ODAD2: variants seen among roughly 807,000 people sequenced by gnomAD.
The protein encoded by ODAD2 is outer dynein arm-docking complex subunit 2.
A neutral mutation model predicts 106.8 loss-of-function variants in ODAD2; 89 were observed. The observed-to-expected ratio is 0.83, with a 90% confidence interval of 0.70 to 0.99. The LOEUF is 0.99. Among genes scored for constraint, ODAD2 ranks in the 50% least tolerant of loss-of-function variants. The probability of loss-of-function intolerance (pLI) is 0.00; values close to 1 mark genes in which losing one functional copy is unlikely to be tolerated. For synonymous variants in ODAD2, 404 were observed against 436.2 expected (o/e 0.93, Z 0.92); for missense variants, 1,168 against 1,238.5 (o/e 0.94, Z 0.85).
intron 16 of ODAD2, among the ~76,000 whole-genome samples, chr10:27,918,743 T>C (rs1438341208): frequency 6.6e-6 from 1 of 151,572 alleles, no homozygotes; most frequent in African/African-American, 2.4e-5. Context: ...TGGGGGGAAG[T>C]GAACTGTCAT....
At chr10:27,895,008 A>G (rs1427687733) in intron 17 of ODAD2, among the ~76,000 whole-genome samples, 1 of 150,572 alleles carries the variant, frequency 6.6e-6, no homozygotes, top group East Asian at 1.9e-4. Flanking sequence ...ACATACAGAG[A>G]GAATTAGAGA....
chr10:27,821,062 G>A (rs945855056), intron 19 of ODAD2, among the ~76,000 whole-genome samples: 9 of 152,144 alleles, frequency 5.9e-5, no homozygotes, highest in Non-Finnish European at 2.9e-5. Flanking sequence ...TTATAGGCGT[G>A]AGCCACCGTG....
intron 19 of ODAD2, chr10:27,836,043 G>A (rs1419096644): frequency 6.5e-6 from 1 of 153,544 alleles, no homozygotes; most frequent in African/African-American, 2.4e-5. Flanking sequence ...TGAGTAGCCT[G>A]AAGAGGAGGA....
At chr10:27,835,818 C>T (rs887331821) in intron 19 of ODAD2, among the ~76,000 whole-genome samples, 1 of 151,602 alleles carries the variant, frequency 6.6e-6, no homozygotes, top group Non-Finnish European at 1.5e-5. Flanking sequence ...CCAGCTACCT[C>T]GGGAGGCTGA....
chr10:27,867,451 A>G (rs1460001004), intron 17 of ODAD2, among the ~76,000 whole-genome samples: 5 of 152,194 alleles, frequency 3.3e-5, no homozygotes, highest in Non-Finnish European at 5.9e-5. Flanking sequence ...TACACGGAAT[A>G]GCATCATCCA....
At chr10:27,855,713 C>T (rs942979579) in intron 19 of ODAD2, among the ~76,000 whole-genome samples, 2 of 152,148 alleles carry the variant, frequency 1.3e-5, no homozygotes, top group African/African-American at 4.8e-5. Context: ...CTCTCTGGAA[C>T]GCCAGTACAT....
intron 7 of ODAD2, among the ~76,000 whole-genome samples, chr10:27,980,658 C>A (rs908553025): frequency 6.6e-6 from 1 of 152,038 alleles, no homozygotes; most frequent in African/African-American, 2.4e-5. Flanking sequence ...TATAATTAAA[C>A]AACAACCTAG....
intron 10 of ODAD2, among the ~76,000 whole-genome samples, chr10:27,960,968 A>G (rs907022897): frequency 1.3e-5 from 2 of 152,186 alleles, no homozygotes; most frequent in Admixed American, 6.5e-5. Flanking sequence ...AAATTCAAAT[A>G]CTTAAATACG....
chr10:27,944,240 G>A lies in ODAD2; in HGVS notation c.1725C>T (p.His575=), dbSNP rs761710990. ...FKRARRVVRQ[H]GGITKLVALL... is the part of the protein sequence containing the mutation. ...TACTCACCAGTTTGGTGATACCCCC[G>A]TGCTGCCTCACCACCCGCCGTGCTC... The change falls in exon 12 of 20, where the codon CAC becomes CAT. Residue 575 remains histidine (H), a synonymous_variant. Coordinates refer to ENST00000305242, the MANE Select transcript of ODAD2 (RefSeq NM_018076.5). 11 of 1,612,600 alleles carry A rather than the reference G, an allele frequency of 6.8e-6. No homozygotes were observed. Among genetic ancestry groups the A allele is most frequent in the East Asian group, 6.7e-5 (3 of 44,778 alleles).
chr10:27,849,854 A>G (rs940461722), intron 19 of ODAD2, among the ~76,000 whole-genome samples: 2 of 152,232 alleles, frequency 1.3e-5, no homozygotes, highest in Non-Finnish European at 2.9e-5. Context: ...TTAAAGTCGC[A>G]AAAGCTACTC....
chr10:27,904,294 G>T, intron 17 of ODAD2: 1 of 393,214 alleles, frequency 2.5e-6, no homozygotes. Flanking sequence ...GACAAGAAAG[G>T]CAAGGATGCT....
chr10:27,975,109 G>A (rs532887188), intron 7 of ODAD2, among the ~76,000 whole-genome samples: 2 of 152,088 alleles, frequency 1.3e-5, no homozygotes, highest in Non-Finnish European at 2.9e-5. Flanking sequence ...ATCCTGAAAC[G>A]TTGCTGAAGT....
Position 27,936,718 on chromosome 10 carries a change from T to C in ODAD2, c.2252+8A>G. On this transcript the variant is annotated splice_region_variant and intron_variant, in intron 15 of 19. Coordinates refer to ENST00000305242, the MANE Select transcript of ODAD2 (RefSeq NM_018076.5). ...CTTCATTTCAGAATATTGAGAGCCTTCTCTTACTTGGTAACATTCTCTTTG... is the reference window on the plus strand; with the variant it reads ...CTTCATTTCAGAATATTGAGAGCCTCCTCTTACTTGGTAACATTCTCTTTG... 1.9e-6 allele frequency: 3 copies of C among 1,613,826 alleles called. No homozygotes were observed. The highest frequency in any genetic ancestry group is 2.5e-6 in the Non-Finnish European group (3 of 1,179,852).
intron 16 of ODAD2, among the ~76,000 whole-genome samples, chr10:27,911,230 C>T (rs561276813): frequency 6.6e-6 from 1 of 152,288 alleles, no homozygotes; most frequent in East Asian, 1.9e-4. Flanking sequence ...AATGGACAAG[C>T]TGTTCACAGT....
intron 1 of ODAD2, among the ~76,000 whole-genome samples, chr10:27,998,330 C>T (rs1211496983): frequency 6.6e-6 from 1 of 152,136 alleles, no homozygotes; most frequent in Non-Finnish European, 1.5e-5. Flanking sequence ...ACGGCCCCCA[C>T]CAGACTCGTT....
intron 16 of ODAD2, among the ~76,000 whole-genome samples, chr10:27,931,032 A>T (rs906291834): frequency 7.2e-5 from 11 of 152,198 alleles, no homozygotes; most frequent in Admixed American, 7.2e-4. Flanking sequence ...TCTACTTCTG[A>T]TGCCTCATAA....
intron 19 of ODAD2, among the ~76,000 whole-genome samples, chr10:27,820,324 T>A (rs1836501988): frequency 6.6e-6 from 1 of 151,950 alleles, no homozygotes; most frequent in African/African-American, 2.4e-5. Flanking sequence ...GTCATTGTTC[T>A]GCAGTCTCTG....
chr10:27,822,497 C>T (rs1370725658), intron 19 of ODAD2, among the ~76,000 whole-genome samples: 1 of 151,880 alleles, frequency 6.6e-6, no homozygotes, highest in East Asian at 1.9e-4. Context: ...TTGTAGCACT[C>T]ATGCACAACC....
chr10:27,896,115 T>C (rs1842839448), intron 17 of ODAD2, among the ~76,000 whole-genome samples: 1 of 152,238 alleles, frequency 6.6e-6, no homozygotes, highest in Admixed American at 6.5e-5. Flanking sequence ...ATCTTCTTCA[T>C]CTCTTTTGAA....
Sources: allele counts gnomAD v4.1 joint callset (sites outside exome capture counted in the v4.1 genomes callset), GRCh38; gene constraint gnomAD v4.1.1; transcripts MANE v1.5; gene names NCBI Gene and HGNC (gene_info 2026-07-23, HGNC 2026-07-21).